The following TRPM2 variants were observed in gnomAD, a reference collection of about 807,000 sequenced individuals.
The protein encoded by TRPM2 is estrogen-responsive element-associated gene 1 protein.
Under a neutral mutation model 174.0 loss-of-function variants are expected in TRPM2, and 161 were observed. The observed-to-expected ratio is 0.93, with a 90% CI of 0.81 to 1.05. TRPM2 has a LOEUF of 1.05. Among genes scored for constraint, TRPM2 ranks in the 50% least tolerant of loss-of-function variants. TRPM2 has a pLI of 0.00. For synonymous variants in TRPM2, 954 were observed against 861.3 expected (o/e 1.11, Z -1.88); for missense variants, 2,057 against 2,038.0 (o/e 1.01, Z -0.18).
At chr21:44,413,293 C>A (rs1393020270) in intron 19 of TRPM2, among the ~76,000 whole-genome samples, 1 of 145,882 alleles carries the variant, frequency 6.9e-6, no homozygotes, top group Non-Finnish European at 1.5e-5. Context: ...GGCTGGAGTG[C>A]AATGAGGCAA....
intron 9 of TRPM2, among the ~76,000 whole-genome samples, chr21:44,390,379 TAAC>T (rs984350749): frequency 7.9e-5 from 12 of 152,186 alleles, no homozygotes; most frequent in Non-Finnish European, 1.2e-4. Context: ...TTTCCCCAAA[TAAC>T]AACCCATGTT....
chr21:44,400,195 C>G, intron 14 of TRPM2, 64 bp from the exon 15 acceptor site: 2 of 1,422,968 alleles, frequency 1.4e-6, no homozygotes, highest in Non-Finnish European at 2.0e-6. Flanking sequence ...CAGCAGACAG[C>G]TGACGGGCAC....
chr21:44,426,827 C>T (rs1173254068), intron 26 of TRPM2, 91 bp downstream of exon 26: 5 of 1,528,010 alleles, frequency 3.3e-6, no homozygotes, highest in East Asian at 2.3e-5. Context: ...GAGCCCAGCC[C>T]GGGGAGGTCC....
At chr21:44,408,217 G>A (rs1166859598) in intron 19 of TRPM2, among the ~76,000 whole-genome samples, 2 of 152,080 alleles carry the variant, frequency 1.3e-5, no homozygotes, top group African/African-American at 2.4e-5. Context: ...AAAGTGCTGG[G>A]ATGACAGGTG....
intron 17 of TRPM2, 116 bp downstream of exon 17, chr21:44,405,376 C>G (rs776911829): frequency 2.7e-6 from 4 of 1,472,836 alleles, no homozygotes; most frequent in East Asian, 2.4e-5. Context: ...GTCTGTGAAC[C>G]CTGGATTGTC....
At chr21:44,433,825 T>TGATC (rs2051122289) in intron 27 of TRPM2, among the ~76,000 whole-genome samples, 1 of 152,176 alleles carries the variant, frequency 6.6e-6, no homozygotes, top group Non-Finnish European at 1.5e-5. Flanking sequence ...GTGCGGACTC[T>TGATC]GATCGCTGTG....
At chr21:44,421,873 T>A (rs573395558) in intron 22 of TRPM2, among the ~76,000 whole-genome samples, 14 of 152,252 alleles carry the variant, frequency 9.2e-5, no homozygotes, top group African/African-American at 3.4e-4. Flanking sequence ...GCCATGATGG[T>A]GCCACTGCAC....
chr21:44,417,760 A>G (rs1223274011), intron 20 of TRPM2, among the ~76,000 whole-genome samples, 167 bp from the exon 21 acceptor site: 35 of 75,218 alleles, frequency 4.7e-4, no homozygotes, highest in South Asian at 1.5e-3. Flanking sequence ...GCTCTCTGTG[A>G]CATCACAGTG....
At chr21:44,440,531 C>T (rs577368376) in intron 30 of TRPM2, among the ~76,000 whole-genome samples, 1 of 152,328 alleles carries the variant, frequency 6.6e-6, no homozygotes, top group African/African-American at 2.4e-5. Context: ...AACTGTCTTC[C>T]TTCACTGAGC....
chr21:44,406,210 C>A (rs541068786), intron 18 of TRPM2, among the ~76,000 whole-genome samples, 173 bp downstream of exon 18: 1 of 152,236 alleles, frequency 6.6e-6, no homozygotes, highest in African/African-American at 2.4e-5. Flanking sequence ...TTTGCCTGTA[C>A]GTCACCTCTT....
At chr21:44,441,105 C>T (rs2051487562) in intron 31 of TRPM2, among the ~76,000 whole-genome samples, 200 bp downstream of exon 31, 1 of 152,146 alleles carries the variant, frequency 6.6e-6, no homozygotes, top group Non-Finnish European at 1.5e-5. Flanking sequence ...AAGGGAGGGA[C>T]CTGGCCGTGC....
chr21:44,397,888 C>A lies in TRPM2; in HGVS notation c.2062+12C>A. ...GCACAGAGCCATCGGTGAGCTCTGC[C>A]GGGCACGGGCTGCAGGCCATGGCTC... is the stretch of plus-strand genomic sequence containing the variant. On this transcript the variant is annotated intron_variant, in intron 13 of 31. Transcript: ENST00000397928. 1.9e-6 allele frequency: 3 copies of A among 1,584,434 alleles called. No individual in the cohort carries two copies. Among genetic ancestry groups the A allele is most frequent in the African/African-American group, 1.3e-5 (1 of 74,156 alleles).
At chr21:44,373,116 G>C (rs887380430) in intron 5 of TRPM2, among the ~76,000 whole-genome samples, 1 of 152,104 alleles carries the variant, frequency 6.6e-6, no homozygotes, top group African/African-American at 2.4e-5. Context: ...TGAGTGAATT[G>C]CAGTCTCCTT....
chr21:44,380,030 C>T (rs750597605), intron 8 of TRPM2, among the ~76,000 whole-genome samples: 5 of 152,144 alleles, frequency 3.3e-5, no homozygotes, highest in South Asian at 4.1e-4. Flanking sequence ...AGCTGCAGGC[C>T]GCAGGGACAC....
At chr21:44,379,563 T>C (rs1199713076) in intron 8 of TRPM2, among the ~76,000 whole-genome samples, 1 of 152,212 alleles carries the variant, frequency 6.6e-6, no homozygotes, top group Non-Finnish European at 1.5e-5. Flanking sequence ...GAGCAATGGC[T>C]GTGGGTCGCA....
At position 44,391,665 on chromosome 21, in the gene TRPM2, G is replaced by T; in HGVS notation, c.1794+40G>T. On this transcript the variant is annotated intron_variant, in intron 11 of 31. Coordinates refer to ENST00000397928, the MANE Select transcript of TRPM2 (RefSeq NM_003307.4). This position sits in a 1 kb window ranked among gnomAD's most constrained non-coding sequence, Gnocchi z 5.0. ...CGGGGCCCATCCTGGACTCGTCTTC[G>T]CGGGCTACTGCTATGTTCTTAGAGC... The T allele has an allele frequency of 1.3e-6, 2 of 1,483,628 alleles. No homozygotes were observed. The highest frequency in any genetic ancestry group is 1.8e-6 in the Non-Finnish European group (2 of 1,111,248). The allele number at this position is 1,483,628 out of a possible 1,614,324, so 91.9% of individuals were successfully genotyped here.
At position 44,395,435 on chromosome 21, in the gene TRPM2, T is replaced by A. The variant is rs1316671549; in HGVS notation, c.1816T>A (p.Ser606Thr). ...KLNVQGVSLR[S>T]LYKRSSGHVT... ...CCAGGTGCAGGGAGTGAGCCTCCGG[T>A]CCCTCTACAAGCGTTCCTCAGGCCA... The change falls in exon 12 of 32, where the codon TCC becomes ACC. Residue 606 changes from serine to threonine, a missense_variant. Ser to Thr is a moderately conservative substitution (Grantham distance 58). Transcript: ENST00000397928. 1 of 1,612,632 alleles carries A rather than the reference T, an allele frequency of 6.2e-7. No individual in the cohort carries two copies. The highest frequency in any genetic ancestry group is 8.5e-7 in the Non-Finnish European group (1 of 1,179,926).
intron 26 of TRPM2, 104 bp downstream of exon 26, chr21:44,426,840 G>A: frequency 6.8e-7 from 1 of 1,476,800 alleles, no homozygotes; most frequent in Non-Finnish European, 9.4e-7. Flanking sequence ...GGAGGTCCAG[G>A]TGAGCAGGAG....
intron 11 of TRPM2, among the ~76,000 whole-genome samples, chr21:44,393,589 C>A (rs2049248026): frequency 6.6e-6 from 1 of 152,070 alleles, no homozygotes; most frequent in African/African-American, 2.4e-5. Context: ...CGCTCCAGGA[C>A]AGTTTATGTA....
Sources: gnomAD v4.1 joint callset for allele counts (sites outside exome capture counted in the v4.1 genomes callset) on GRCh38, gnomAD v4.1.1 for gene constraint, Gnocchi (gnomAD v3.1) non-coding constraint, MANE v1.5 for transcripts, NCBI Gene and HGNC (gene_info 2026-07-23, HGNC 2026-07-21) for gene names.